The following KTN1 variants were observed in gnomAD, a reference collection of about 807,000 sequenced individuals.
The protein encoded by KTN1 is kinectin 1.
A neutral mutation model predicts 222.5 loss-of-function variants in KTN1; 130 were observed. That is an observed-to-expected ratio of 0.58 (90% confidence interval 0.51 to 0.68). The LOEUF is 0.68. Ranked by LOEUF, KTN1 falls within the 30% of genes least tolerant of loss-of-function variation. The probability of loss-of-function intolerance (pLI) is 0.00; values close to 1 mark genes in which losing one functional copy is unlikely to be tolerated. For synonymous variants in KTN1, 512 were observed against 496.3 expected (o/e 1.03, Z -0.42); for missense variants, 1,508 against 1,500.4 (o/e 1.01, Z -0.08).
rs201762448 is a variant in KTN1 at position 55,675,931 on chromosome 14, C to A, written c.3855+13C>A. 36 of 1,581,008 alleles carry A rather than the reference C, an allele frequency of 2.3e-5. No homozygotes were observed. The African/African-American group carries it at 4.2e-4, about 18-fold the overall frequency. On this transcript the variant is annotated intron_variant, in intron 41 of 43. Coordinates refer to ENST00000395314, the MANE Select transcript of KTN1 (RefSeq NM_001079521.2). ...TGATTTGCATAAGGTAGGCACTGTT[C>A]GTCCTAGAGATGTAGTATCATGAGC...
intron 29 of KTN1, among the ~76,000 whole-genome samples, chr14:55,657,051 A>G (rs2043558432): frequency 6.6e-6 from 1 of 151,704 alleles, no homozygotes; most frequent in African/African-American, 2.4e-5. Flanking sequence ...GTAGATGCCT[A>G]CATTGTCTTG....
intron 2 of KTN1, among the ~76,000 whole-genome samples, chr14:55,615,689 G>A (rs1407669832): frequency 6.6e-6 from 1 of 152,152 alleles, no homozygotes; most frequent in African/African-American, 2.4e-5. Flanking sequence ...ATTAGCTGAG[G>A]AATGATTGGT....
chr14:55,591,047 T>C (rs897561285), intron 1 of KTN1, among the ~76,000 whole-genome samples: 1 of 150,940 alleles, frequency 6.6e-6, no homozygotes, highest in Admixed American at 6.6e-5. Flanking sequence ...TTTTACAACC[T>C]GTTTCCTGTT....
In KTN1 at chr14:55,601,135, G is replaced by A. The variant is rs1017865044; in HGVS notation, c.-30-10884G>A. Among the ~76,000 whole-genome samples the A allele has an allele frequency of 5.9e-5, 9 of 152,302 alleles. 1 individual carries two copies. Among genetic ancestry groups the A allele is most frequent in the Admixed American group, 5.9e-4 (9 of 15,294 alleles). ...ATAGAAGTCTCATTTGTTGTGACAT[G>A]ATACCTAATGGAGAAATTAAATTTC... On this transcript the variant is annotated intron_variant, in intron 1 of 43. Transcript: ENST00000395314.
chr14:55,645,442 A>G (rs1299173455), intron 18 of KTN1, among the ~76,000 whole-genome samples: 2 of 152,210 alleles, frequency 1.3e-5, no homozygotes, highest in South Asian at 2.1e-4. Context: ...TTAGCCTAAC[A>G]TTTTAGAAAG....
chr14:55,648,191 G>A (rs2042588209), intron 20 of KTN1, 76 bp downstream of exon 20: 2 of 702,654 alleles, frequency 2.8e-6, no homozygotes, highest in Non-Finnish European at 4.7e-6. Flanking sequence ...TTTGTGTAAG[G>A]TTTTTCCCAT....
At chr14:55,664,395 C>A (rs1416128680) in intron 33 of KTN1, among the ~76,000 whole-genome samples, 2 of 152,100 alleles carry the variant, frequency 1.3e-5, no homozygotes, top group Non-Finnish European at 2.9e-5. Context: ...TTAACAAACA[C>A]ATTTGAATAT....
chr14:55,661,884 T>G (rs1159929277), intron 32 of KTN1: 2 of 229,300 alleles, frequency 8.7e-6, no homozygotes, highest in Non-Finnish European at 1.7e-5. Context: ...AAGCTAAAAA[T>G]GCAATTGACT....
chr14:55,658,566 A>G lies in KTN1; in HGVS notation c.2913A>G (p.Lys971=). 6.3e-7 allele frequency: 1 copy of G among 1,598,344 alleles called. No homozygotes were observed. Among genetic ancestry groups the G allele is most frequent in the Non-Finnish European group, 8.6e-7 (1 of 1,167,030 alleles). The part of the protein sequence containing the change: ...QLLQDVQDEN[K]LFKSQIEQLK... ...ATTAGGATGTACAAGATGAAAACAA[A>G]TTGTTTAAGTCCCAAATTGAGCAGC... Residue 971 remains lysine, a synonymous_variant, in exon 30 of 44, where the codon AAA becomes AAG. Coordinates refer to ENST00000395314, the MANE Select transcript of KTN1 (RefSeq NM_001079521.2).
intron 17 of KTN1, 34 bp from the exon 18 acceptor site, chr14:55,641,658 T>G: frequency 7.5e-7 from 1 of 1,332,050 alleles, no homozygotes. Context: ...CCTTTTTTCT[T>G]AATAAAACAG....
intron 5 of KTN1, among the ~76,000 whole-genome samples, chr14:55,620,447 G>C (rs560323500): frequency 2.6e-5 from 4 of 152,282 alleles, no homozygotes; most frequent in Admixed American, 6.5e-5. Context: ...CCTAGCAGAG[G>C]TTCTCCATGA....
rs1024282918 is a variant in KTN1, at chr14:55,684,260, A to C, written c.*157A>C. 3 of 497,190 alleles carry C rather than the reference A, an allele frequency of 6.0e-6. No individual in the cohort carries two copies. The highest frequency in any genetic ancestry group is 6.0e-5 in the African/African-American group (3 of 50,126). 30.8% of individuals were successfully genotyped at this position (497,190 alleles called of 1,614,324 possible). A position where few individuals can be genotyped will look rare whatever the true frequency, so the allele number is the denominator to read the frequency against. ...CCTTGTTAGACTACTGATTTAAAGAAGGAAAAAAAAAAGCCAACTCTGTAG... is the reference window on the plus strand; with the variant it reads ...CCTTGTTAGACTACTGATTTAAAGACGGAAAAAAAAAAGCCAACTCTGTAG... On this transcript the variant is annotated 3_prime_UTR_variant, in exon 44 of 44. Transcript: ENST00000395314.
At chr14:55,583,973 A>G (rs1440539772) in intron 1 of KTN1, among the ~76,000 whole-genome samples, 3 of 152,130 alleles carry the variant, frequency 2.0e-5, no homozygotes, top group Admixed American at 1.3e-4. Context: ...TACTGCTTCC[A>G]CTGCTCACCA....
chr14:55,617,349 A>G, intron 3 of KTN1, among the ~76,000 whole-genome samples: 1 of 152,230 alleles, frequency 6.6e-6, no homozygotes, highest in East Asian at 1.9e-4. Context: ...ATCTCTAACC[A>G]GCAGACATTA....
intron 2 of KTN1, among the ~76,000 whole-genome samples, chr14:55,615,875 C>T (rs2038296726): frequency 7.1e-6 from 1 of 141,326 alleles, no homozygotes; most frequent in African/African-American, 2.7e-5. Flanking sequence ...TCTTCCTTTT[C>T]TTCTTTCTTT....
chr14:55,603,166 AT>A (rs202078683), intron 1 of KTN1, among the ~76,000 whole-genome samples: 12,035 of 144,620 alleles, frequency 0.083, 501 homozygotes, highest in South Asian at 0.12. Context: ...TTACTGGATC[AT>A]TTTTTTTTTT....
rs1163543860 is a variant in KTN1 at position 55,672,610 on chromosome 14, G to A, written c.3532-20G>A. The A allele has an allele frequency of 6.5e-6, 10 of 1,536,014 alleles. No homozygotes were observed. In the South Asian group the frequency reaches 1.1e-4, roughly 17 times the overall value. On this transcript the variant is annotated intron_variant, in intron 37 of 43. Coordinates refer to ENST00000395314, the MANE Select transcript of KTN1 (RefSeq NM_001079521.2). ...ATCCTTGGTGGTTTTACTTGGCCAT[G>A]TAATTGTTTCACATTTCAGATGCAG... is the stretch of plus-strand genomic sequence containing the variant.
intron 1 of KTN1, among the ~76,000 whole-genome samples, chr14:55,600,057 A>G (rs1169013143): frequency 1.3e-5 from 2 of 151,134 alleles, no homozygotes; most frequent in Non-Finnish European, 3.0e-5. Context: ...TTTTGATAGT[A>G]TTTGATGTTC....
chr14:55,586,206 T>C (rs1361076858), intron 1 of KTN1, among the ~76,000 whole-genome samples: 1 of 152,104 alleles, frequency 6.6e-6, no homozygotes, highest in East Asian at 1.9e-4. Flanking sequence ...TTCTGTGGGG[T>C]AGTGGAAACA....
Sources: allele counts gnomAD v4.1 joint callset (sites outside exome capture counted in the v4.1 genomes callset), GRCh38; gene constraint gnomAD v4.1.1; transcripts MANE v1.5; gene names NCBI Gene and HGNC (gene_info 2026-07-23, HGNC 2026-07-21).